Variants in MYRIP observed in about 807,000 individuals in gnomAD.
MYRIP encodes the protein myosin VIIA and Rab interacting protein.
In MYRIP, 49 loss-of-function variants were observed where a neutral mutation model predicts 98.0. The ratio of observed to expected loss-of-function variants is 0.50; its 90% CI spans 0.40 to 0.63. The LOEUF (loss-of-function observed/expected upper bound fraction) is 0.63. Ranked by LOEUF, MYRIP falls within the 30% of genes least tolerant of loss-of-function variation. The pLI is 0.00. For synonymous variants in MYRIP, 404 were observed against 409.5 expected (o/e 0.99, Z 0.16); for missense variants, 1,004 against 1,058.2 (o/e 0.95, Z 0.71).
At chr3:39,902,324 G>A (rs1227350353) in intron 2 of MYRIP, among the ~76,000 whole-genome samples, 2 of 152,234 alleles carry the variant, frequency 1.3e-5, no homozygotes, top group African/African-American at 2.4e-5. Flanking sequence ...CAGAACAATA[G>A]GAGAGTAGAT....
At chr3:40,256,541 A>T (rs914733148) in intron 16 of MYRIP, among the ~76,000 whole-genome samples, 1 of 152,120 alleles carries the variant, frequency 6.6e-6, no homozygotes, top group Non-Finnish European at 1.5e-5. Flanking sequence ...TGAAAAAAAA[A>T]ATATTTTGTA....
At chr3:40,227,996 G>A (rs1218415259) in intron 11 of MYRIP, among the ~76,000 whole-genome samples, 2 of 152,244 alleles carry the variant, frequency 1.3e-5, no homozygotes, top group East Asian at 3.8e-4. Context: ...CAAATAAGGA[G>A]GTTTCATTAG....
chr3:40,035,359 G>T (rs1182618858), intron 2 of MYRIP, among the ~76,000 whole-genome samples: 1 of 152,056 alleles, frequency 6.6e-6, no homozygotes, highest in Non-Finnish European at 1.5e-5. Context: ...AGAAACAGAT[G>T]TGAAGCTGTT....
chr3:40,154,716 C>G (rs1950185333), intron 4 of MYRIP, among the ~76,000 whole-genome samples: 1 of 152,116 alleles, frequency 6.6e-6, no homozygotes, highest in Non-Finnish European at 1.5e-5. Context: ...CCTGCCTTGA[C>G]AAGCCCCAGG....
chr3:40,228,894 G>A (rs921943389), intron 11 of MYRIP, among the ~76,000 whole-genome samples: 2 of 152,120 alleles, frequency 1.3e-5, no homozygotes, highest in African/African-American at 4.8e-5. Context: ...ATTCCAAAGT[G>A]GTCTCTCTCC....
chr3:40,081,432 C>G (rs1271247884), intron 3 of MYRIP, among the ~76,000 whole-genome samples: 1 of 152,176 alleles, frequency 6.6e-6, no homozygotes, highest in Admixed American at 6.5e-5. Flanking sequence ...CATACAAGTT[C>G]AGAATTGCTA....
At chr3:39,970,787 CA>C (rs2036373575) in intron 2 of MYRIP, among the ~76,000 whole-genome samples, 1 of 152,056 alleles carries the variant, frequency 6.6e-6, no homozygotes, top group Non-Finnish European at 1.5e-5. Context: ...ATTGTGTCTA[CA>C]TGTGTAATTT....
At chr3:40,082,573 AGT>A in intron 3 of MYRIP, among the ~76,000 whole-genome samples, 3 of 152,358 alleles carry the variant, frequency 2.0e-5, no homozygotes, top group Non-Finnish European at 4.4e-5. Flanking sequence ...TCTAGCATTT[AGT>A]GTTCTGTGTG....
At chr3:39,930,728 C>A (rs1209740628) in intron 2 of MYRIP, among the ~76,000 whole-genome samples, 1 of 151,962 alleles carries the variant, frequency 6.6e-6, no homozygotes, top group African/African-American at 2.4e-5. Context: ...ATTCCAACTT[C>A]ATTCTTTTGC....
intron 3 of MYRIP, among the ~76,000 whole-genome samples, chr3:40,047,643 A>G (rs1428485243): frequency 6.6e-6 from 1 of 152,106 alleles, no homozygotes; most frequent in African/African-American, 2.4e-5. Context: ...TTCATTCCCT[A>G]TTTTTCTGTA....
In MYRIP at chr3:40,169,859, G is replaced by GA; in HGVS notation, c.730-84dup. On this transcript the variant is annotated intron_variant, in intron 7 of 16. Coordinates refer to ENST00000302541, the MANE Select transcript of MYRIP (RefSeq NM_015460.4). ...GTTGAAATTAAGCTTATAAGTGGCTGAAAAAAATTCCAAAGATGGTCCCAG... is the reference window on the plus strand; with the variant it reads ...GTTGAAATTAAGCTTATAAGTGGCTGAAAAAAAATTCCAAAGATGGTCCCAG... 7 of 1,532,652 alleles carry GA rather than the reference G, an allele frequency of 4.6e-6. No individual in the cohort carries two copies. In the South Asian group the frequency reaches 7.1e-5, roughly 16 times the overall value. 94.9% of individuals were successfully genotyped at this position (1,532,652 alleles called of 1,614,324 possible).
In MYRIP at chr3:39,927,868, C is replaced by T. The variant is rs148604908; in HGVS notation, c.110+26942C>T. Reference sequence around the variant, plus strand: ...AGGTAGGCTTTATTTGTGGAATGCACGGTTGATTCAACATACATAAATCAA... The same window carrying T: ...AGGTAGGCTTTATTTGTGGAATGCATGGTTGATTCAACATACATAAATCAA... On this transcript the variant is annotated intron_variant, in intron 2 of 16. Transcript: ENST00000302541. Among the ~76,000 whole-genome samples the T allele has an allele frequency of 1.1e-3, 161 of 152,060 alleles. 1 individual carries two copies. Among genetic ancestry groups the T allele is most frequent in the African/African-American group, 3.3e-3 (139 of 41,536 alleles).
intron 4 of MYRIP, among the ~76,000 whole-genome samples, chr3:40,160,140 CT>C (rs2125587003): frequency 6.6e-6 from 1 of 152,294 alleles, no homozygotes; most frequent in African/African-American, 2.4e-5. Flanking sequence ...TACTTTTGGT[CT>C]TTGATGATGG....
rs370451022 is a variant in MYRIP, at chr3:39,976,290, G to A, written c.111-67760G>A. 9.2e-5 allele frequency among the ~76,000 whole-genome samples: 14 copies of A among 152,238 alleles called. No individual in the cohort carries two copies. The South Asian group carries it at 1.0e-3, about 11-fold the overall frequency. On this transcript the variant is annotated intron_variant, in intron 2 of 16. Coordinates refer to ENST00000302541, the MANE Select transcript of MYRIP (RefSeq NM_015460.4). Reference sequence around the variant, plus strand: ...ATTTATGCAGCCAAAAGACACATGAGAAAATGCTCATCATCACTGGCCATC... The same window carrying A: ...ATTTATGCAGCCAAAAGACACATGAAAAAATGCTCATCATCACTGGCCATC...
At chr3:40,085,668 A>C (rs1948611457) in intron 3 of MYRIP, among the ~76,000 whole-genome samples, 1 of 152,214 alleles carries the variant, frequency 6.6e-6, no homozygotes, top group African/African-American at 2.4e-5. Context: ...GAGCAGCCCC[A>C]GCAAGGGAGT....
intron 3 of MYRIP, among the ~76,000 whole-genome samples, chr3:40,050,385 A>G (rs1947766990): frequency 6.6e-6 from 1 of 152,062 alleles, no homozygotes; most frequent in African/African-American, 2.4e-5. Flanking sequence ...TAAAACAACA[A>G]AGCCTGAATG....
At chr3:40,081,501 G>A (rs1342211629) in intron 3 of MYRIP, among the ~76,000 whole-genome samples, 1 of 152,066 alleles carries the variant, frequency 6.6e-6, no homozygotes, top group Admixed American at 6.5e-5. Flanking sequence ...GTTTACATCT[G>A]TCCTTCGTTT....
chr3:40,252,292 C>T (rs892293803), intron 16 of MYRIP, among the ~76,000 whole-genome samples: 5 of 152,058 alleles, frequency 3.3e-5, no homozygotes, highest in African/African-American at 9.7e-5. Context: ...GGAAATAAGT[C>T]GTAACATGGT....
At chr3:39,925,286 C>T (rs1013745168) in intron 2 of MYRIP, among the ~76,000 whole-genome samples, 2 of 152,026 alleles carry the variant, frequency 1.3e-5, no homozygotes, top group African/African-American at 2.4e-5. Context: ...ACTTTGTCTA[C>T]ATCAAAAGAA....
Sources: gnomAD v4.1 joint callset for allele counts (sites outside exome capture counted in the v4.1 genomes callset) on GRCh38, gnomAD v4.1.1 for gene constraint, MANE v1.5 for transcripts, NCBI Gene and HGNC (gene_info 2026-07-23, HGNC 2026-07-21) for gene names.